Variants in TACC2 observed in about 807,000 individuals in gnomAD.
TACC2 encodes transforming acidic coiled-coil-containing protein 2.
TACC2 carries 137 observed loss-of-function variants against 227.3 expected under a neutral mutation model. The ratio of observed to expected loss-of-function variants is 0.60; its 90% CI spans 0.52 to 0.69. The LOEUF (loss-of-function observed/expected upper bound fraction) is 0.69. Among genes scored for constraint, TACC2 ranks in the 30% least tolerant of loss-of-function variants. The pLI is 0.00. For synonymous variants in TACC2, 1,523 were observed against 1,487.5 expected (o/e 1.02, Z -0.55); for missense variants, 3,470 against 3,694.4 (o/e 0.94, Z 1.57).
intron 22 of TACC2, among the ~76,000 whole-genome samples, chr10:122,253,493 C>G (rs1032169730): frequency 1.3e-5 from 2 of 152,152 alleles, no homozygotes; most frequent in Admixed American, 6.5e-5. Context: ...CCCCATGACC[C>G]TGTAGCCACA....
intron 3 of TACC2, among the ~76,000 whole-genome samples, chr10:122,068,288 T>G (rs2077606247): frequency 2.0e-5 from 3 of 152,226 alleles, no homozygotes; most frequent in African/African-American, 7.2e-5. Flanking sequence ...ATAGTAATTC[T>G]ATTATCTGTG....
intron 8 of TACC2, among the ~76,000 whole-genome samples, chr10:122,208,676 G>T (rs867364555): frequency 6.6e-6 from 1 of 152,206 alleles, no homozygotes; most frequent in Non-Finnish European, 1.5e-5. Context: ...TCATTTATCT[G>T]AAATTCAAAT....
intron 7 of TACC2, among the ~76,000 whole-genome samples, chr10:122,168,669 T>A (rs989723888): frequency 6.6e-6 from 1 of 152,146 alleles, no homozygotes; most frequent in Non-Finnish European, 1.5e-5. Flanking sequence ...GGTGAACAGC[T>A]AGGACTTGGA....
chr10:122,242,151 G>A (rs921854154), intron 19 of TACC2, 150 bp downstream of exon 19: 18 of 749,444 alleles, frequency 2.4e-5, no homozygotes, highest in Non-Finnish European at 4.0e-5. Context: ...ATATGGCTTT[G>A]CCCCAGGACA....
chr10:122,232,768 A>G (rs1004849114), intron 16 of TACC2, among the ~76,000 whole-genome samples: 6 of 152,134 alleles, frequency 3.9e-5, no homozygotes, highest in Non-Finnish European at 7.4e-5. Flanking sequence ...TCTTTTTCAT[A>G]TAGAAAGATT....
At chr10:122,197,511 C>T (rs548438046) in intron 8 of TACC2, among the ~76,000 whole-genome samples, 125 of 152,298 alleles carry the variant, frequency 8.2e-4, no homozygotes, top group African/African-American at 2.8e-3. Flanking sequence ...ATTCTTAAAA[C>T]GAACACGCAC....
intron 5 of TACC2, among the ~76,000 whole-genome samples, chr10:122,097,486 G>A (rs1377576222): frequency 5.3e-5 from 8 of 151,818 alleles, no homozygotes; most frequent in Non-Finnish European, 1.0e-4. Flanking sequence ...AGTGGATTTG[G>A]GTCAGCACTC....
In TACC2 at chr10:122,210,016, C is replaced by G. The variant is rs188949836; in HGVS notation, c.5972-381C>G. 256 of 239,574 alleles carry G rather than the reference C, an allele frequency of 1.1e-3. 1 individual carries two copies. Among genetic ancestry groups the G allele is most frequent in the Middle Eastern group, 1.7e-3 (1 of 594 alleles). 14.8% of individuals were successfully genotyped at this position (239,574 alleles called of 1,614,324 possible). A position where few individuals can be genotyped will look rare whatever the true frequency, so the allele number is the denominator to read the frequency against. On this transcript the variant is annotated intron_variant, in intron 8 of 22. Coordinates refer to ENST00000369005, the MANE Select transcript of TACC2 (RefSeq NM_206862.4). The surrounding 1 kb of genome is among the most constrained non-coding windows in gnomAD (Gnocchi z 4.6). Reference sequence around the variant, plus strand: ...CCTGGTGGTTTATTCGCTATCTTCCCCTGAAGAATGTGACTTCCAGGAAGG... The same window carrying G: ...CCTGGTGGTTTATTCGCTATCTTCCGCTGAAGAATGTGACTTCCAGGAAGG...
intron 7 of TACC2, among the ~76,000 whole-genome samples, chr10:122,176,117 C>CTCTCTCTCTATA (rs1447382017): frequency 1.3e-4 from 7 of 54,654 alleles, no homozygotes; most frequent in Non-Finnish European, 2.4e-4. Flanking sequence ...CTCTCTCTCT[C>CTCTCTCTCTATA]TATATATATA....
At chr10:121,999,564 G>A (rs1284267343) in intron 1 of TACC2, among the ~76,000 whole-genome samples, 1 of 152,232 alleles carries the variant, frequency 6.6e-6, no homozygotes, top group African/African-American at 2.4e-5. Context: ...GCAGGGCCTG[G>A]TGGAAGTTTC....
intron 7 of TACC2, among the ~76,000 whole-genome samples, chr10:122,175,789 G>A (rs2093666820): frequency 6.6e-6 from 1 of 152,136 alleles, no homozygotes; most frequent in Admixed American, 6.5e-5. Flanking sequence ...AAATGGGCCG[G>A]GTACAATAGC....
chr10:122,062,055 C>CGT (rs1463015841), intron 3 of TACC2, among the ~76,000 whole-genome samples: 1 of 99,536 alleles, frequency 1.0e-5, no homozygotes, highest in African/African-American at 4.0e-5. Context: ...TTTTTTGAGA[C>CGT]GGAGTCTCGC....
intron 11 of TACC2, among the ~76,000 whole-genome samples, chr10:122,219,822 G>A (rs775508597): frequency 1.3e-5 from 2 of 152,142 alleles, no homozygotes; most frequent in Non-Finnish European, 2.9e-5. Context: ...CAGATCACTT[G>A]AGGTCAGGAG....
At position 122,211,539 on chromosome 10, in the gene TACC2, G is replaced by C. The variant is rs746080998; in HGVS notation, c.7114G>C (p.Asp2372His). The change falls in exon 9 of 23, where the codon GAC becomes CAC. Residue 2372 changes from aspartate to histidine, a missense_variant. Around this residue, in one of 10 missense-constraint regions of TACC2, gnomAD observed 593 missense variants for 636.6 expected, o/e 0.93. Transcript: ENST00000369005. The stretch of plus-strand genomic sequence containing the variant: ...CCAACAATCATACAACTTTGACCCA[G>C]ACACCTGTGATGAGTCCGTTGACCC... ...LPQQSYNFDP[D>H]TCDESVDPFK... 1 of 1,613,956 alleles carries C rather than the reference G, an allele frequency of 6.2e-7. No homozygotes were observed. Among genetic ancestry groups the C allele is most frequent in the Non-Finnish European group, 8.5e-7 (1 of 1,179,994 alleles).
chr10:122,242,844 G>A (rs181024827), intron 19 of TACC2, among the ~76,000 whole-genome samples: 1 of 152,234 alleles, frequency 6.6e-6, no homozygotes, highest in East Asian at 1.9e-4. Flanking sequence ...ACGTTGCCCA[G>A]GCTGGTCTCA....
At chr10:122,242,279 T>C (rs11200497) in intron 19 of TACC2, among the ~76,000 whole-genome samples, 50,797 of 152,102 alleles carry the variant, frequency 0.33, 8,839 homozygotes, top group South Asian at 0.43. Flanking sequence ...GACTCTCTAC[T>C]TTGTGGGGAA....
intron 3 of TACC2, among the ~76,000 whole-genome samples, chr10:122,071,941 C>T (rs1421332920): frequency 6.7e-6 from 1 of 148,464 alleles, no homozygotes; most frequent in Non-Finnish European, 1.5e-5. Flanking sequence ...GGGGTTTAAT[C>T]CACATCCGCA....
intron 19 of TACC2, chr10:122,246,469 G>A (rs1394065623): frequency 6.6e-6 from 1 of 152,266 alleles, no homozygotes; most frequent in African/African-American, 2.4e-5. Flanking sequence ...TACTAAGGGA[G>A]CTGCATCCTC....
At chr10:122,216,958 G>T (rs567122302) in intron 11 of TACC2, 130 bp downstream of exon 11, 2 of 1,527,296 alleles carry the variant, frequency 1.3e-6, no homozygotes, top group African/African-American at 2.7e-5. Context: ...TCGTCTGCAC[G>T]TCTCCCGCTG....
Sources: gnomAD v4.1 joint callset for allele counts (sites outside exome capture counted in the v4.1 genomes callset) on GRCh38, gnomAD v4.1.1 for gene constraint, gnomAD v4.1.1 regional missense constraint, Gnocchi (gnomAD v3.1) non-coding constraint, MANE v1.5 for transcripts, NCBI Gene and HGNC (gene_info 2026-07-23, HGNC 2026-07-21) for gene names.